Variants in RBFOX1 observed in about 807,000 individuals in gnomAD.
RBFOX1 encodes RNA binding protein fox-1 homolog 1.
RBFOX1 carries 8 observed loss-of-function variants against 57.7 expected under a neutral mutation model. The ratio of observed to expected loss-of-function variants is 0.14; its 90% CI spans 0.08 to 0.25. The LOEUF (loss-of-function observed/expected upper bound fraction) is 0.25. Ranked by LOEUF, RBFOX1 falls within the 10% of genes least tolerant of loss-of-function variation. The pLI is 1.00. For synonymous variants in RBFOX1, 326 were observed against 222.4 expected (o/e 1.47, Z -4.15); for missense variants, 611 against 548.5 (o/e 1.11, Z -1.14).
At position 6,478,408 on chromosome 16, in the gene RBFOX1, T is replaced by G. The variant is rs1327643108; in HGVS notation, c.-64+161351T>G. 6.7e-4 allele frequency among the ~76,000 whole-genome samples: 15 copies of G among 22,332 alleles called. 1 individual carries two copies. Among genetic ancestry groups the G allele is most frequent in the Admixed American group, 1.8e-3 (3 of 1,682 alleles). 14.7% of individuals were successfully genotyped at this position (22,332 alleles called of 152,430 possible). On this transcript the variant is annotated intron_variant, in intron 2 of 15. Coordinates refer to ENST00000550418, the MANE Select transcript of RBFOX1 (RefSeq NM_018723.4). ...CAGCTAATATATATATATATATATA[T>G]ATATATATATATATATATATATTTT...
At chr16:5,425,605 A>G (rs762520793) in intron 1 of RBFOX1, among the ~76,000 whole-genome samples, 8 of 152,196 alleles carry the variant, frequency 5.3e-5, no homozygotes, top group Non-Finnish European at 1.2e-4. Context: ...TCCAAGAAAG[A>G]GAGAACGTGT....
intron 3 of RBFOX1, among the ~76,000 whole-genome samples, chr16:6,956,465 C>CTG (rs2081867339): frequency 6.6e-6 from 1 of 152,086 alleles, no homozygotes; most frequent in Non-Finnish European, 1.5e-5. Context: ...GCTTTGTCAT[C>CTG]GTCTTCTCAA....
At chr16:7,157,597 G>C (rs753623800) in intron 4 of RBFOX1, among the ~76,000 whole-genome samples, 1 of 152,054 alleles carries the variant, frequency 6.6e-6, no homozygotes, top group Non-Finnish European at 1.5e-5. Flanking sequence ...ATAGGGTCTG[G>C]GAGCTCTGAA....
intron 4 of RBFOX1, among the ~76,000 whole-genome samples, chr16:7,274,200 T>C (rs930059486): frequency 1.3e-5 from 2 of 152,238 alleles, no homozygotes; most frequent in Non-Finnish European, 2.9e-5. Flanking sequence ...CAACAAATTA[T>C]ATAAAATTAG....
intron 1 of RBFOX1, among the ~76,000 whole-genome samples, chr16:6,204,513 A>G (rs941061223): frequency 4.6e-5 from 7 of 152,200 alleles, no homozygotes; most frequent in African/African-American, 1.7e-4. Context: ...AATAGACTGA[A>G]TTATTGTTTA....
At chr16:7,503,440 C>G (rs765203318) in intron 4 of RBFOX1, among the ~76,000 whole-genome samples, 10 of 152,180 alleles carry the variant, frequency 6.6e-5, no homozygotes, top group Non-Finnish European at 1.3e-4. Flanking sequence ...GCGATATTAT[C>G]TCAAATTATA....
chr16:5,718,761 A>G (rs139864197), intron 3 of RBFOX1, among the ~76,000 whole-genome samples: 4 of 152,260 alleles, frequency 2.6e-5, no homozygotes, highest in Admixed American at 1.3e-4. Context: ...TACAAAAATT[A>G]GCCGGGGCAT....
intron 2 of RBFOX1, among the ~76,000 whole-genome samples, chr16:5,490,495 TA>T (rs1240572384): frequency 6.6e-6 from 1 of 152,208 alleles, no homozygotes; most frequent in Non-Finnish European, 1.5e-5. Flanking sequence ...CTGGCGTTGC[TA>T]TCCGGAGCCC....
At chr16:7,600,455 A>G (rs1471550936) in intron 9 of RBFOX1, among the ~76,000 whole-genome samples, 1 of 152,200 alleles carries the variant, frequency 6.6e-6, no homozygotes, top group Non-Finnish European at 1.5e-5. Context: ...GAAAAAATAT[A>G]GGGCCCTTTC....
intron 4 of RBFOX1, among the ~76,000 whole-genome samples, chr16:7,279,193 C>G (rs1183759379): frequency 6.6e-6 from 1 of 151,366 alleles, no homozygotes; most frequent in Non-Finnish European, 1.5e-5. Flanking sequence ...TGCCTACCCT[C>G]TCTGACTTAC....
At chr16:5,556,225 T>C (rs1180151049) in intron 2 of RBFOX1, among the ~76,000 whole-genome samples, 2 of 152,234 alleles carry the variant, frequency 1.3e-5, no homozygotes, top group Non-Finnish European at 2.9e-5. Context: ...GTCATATTAA[T>C]GAGGCTTTGC....
chr16:5,520,667 A>G (rs2043977385), intron 2 of RBFOX1, among the ~76,000 whole-genome samples: 1 of 152,220 alleles, frequency 6.6e-6, no homozygotes, highest in African/African-American at 2.4e-5. Flanking sequence ...TCTTCTGAAA[A>G]GAGACTGTAT....
intron 5 of RBFOX1, among the ~76,000 whole-genome samples, chr16:7,570,568 T>C (rs2092670915): frequency 6.6e-6 from 1 of 152,200 alleles, no homozygotes; most frequent in African/African-American, 2.4e-5. Flanking sequence ...CTCAGAAGGA[T>C]GTACATAGCT....
intron 3 of RBFOX1, among the ~76,000 whole-genome samples, chr16:5,797,328 G>T (rs2054911211): frequency 6.6e-6 from 1 of 152,218 alleles, no homozygotes; most frequent in African/African-American, 2.4e-5. Flanking sequence ...CTAAGTGTGT[G>T]TCCACACCCA....
chr16:7,705,115 A>T (rs965964527), intron 14 of RBFOX1, among the ~76,000 whole-genome samples: 1 of 151,768 alleles, frequency 6.6e-6, no homozygotes, highest in Non-Finnish European at 1.5e-5. Flanking sequence ...GGGAAGGGAC[A>T]TTTGATTTGA....
intron 4 of RBFOX1, among the ~76,000 whole-genome samples, chr16:7,271,199 A>C (rs952673220): frequency 5.9e-5 from 9 of 152,120 alleles, no homozygotes; most frequent in African/African-American, 2.2e-4. Context: ...GACGGGATGC[A>C]CTTGAGCATT....
intron 1 of RBFOX1, among the ~76,000 whole-genome samples, chr16:6,313,925 G>A (rs1052698512): frequency 1.3e-5 from 2 of 151,906 alleles, no homozygotes; most frequent in Non-Finnish European, 2.9e-5. Context: ...TTCTGTTCTC[G>A]CTTTATAACA....
chr16:7,519,398 A>G (rs2077052088), intron 5 of RBFOX1, among the ~76,000 whole-genome samples: 1 of 152,170 alleles, frequency 6.6e-6, no homozygotes, highest in African/African-American at 2.4e-5. Context: ...CTTAATGGTG[A>G]CGGTTACATG....
rs533377935 is a variant in RBFOX1, at chr16:5,419,294, G to A, written c.220-47922G>A. 2.4e-3 allele frequency among the ~76,000 whole-genome samples: 366 copies of A among 152,278 alleles called. 3 individuals carry two copies. Among genetic ancestry groups the A allele is most frequent in the Non-Finnish European group, 4.6e-3 (310 of 68,024 alleles). ...CGTCTACAAGCTGAGGAGCAAGGAA[G>A]CCAGTCTGAGTCCCAAAGCTGAAGA... On this transcript the variant is annotated intron_variant, in intron 1 of 2. Coordinates refer to the RBFOX1 transcript ENST00000585867.
Sources: allele counts gnomAD v4.1 joint callset (sites outside exome capture counted in the v4.1 genomes callset), GRCh38; gene constraint gnomAD v4.1.1; transcripts MANE v1.5; gene names NCBI Gene and HGNC (gene_info 2026-07-23, HGNC 2026-07-21).